Variants in TMEM117 observed in about 807,000 individuals in gnomAD.
TMEM117 encodes transmembrane protein 117.
A neutral mutation model predicts 52.4 loss-of-function variants in TMEM117; 27 were observed. The observed-to-expected ratio is 0.51, with a 90% CI of 0.38 to 0.71. TMEM117 has a LOEUF of 0.71. Among genes scored for constraint, TMEM117 ranks in the 30% least tolerant of loss-of-function variants. TMEM117 has a pLI of 0.00. For synonymous variants in TMEM117, 215 were observed against 206.3 expected (o/e 1.04, Z -0.36); for missense variants, 556 against 630.5 (o/e 0.88, Z 1.26).
the TMEM117 span, among the ~76,000 whole-genome samples, chr12:43,825,806 T>TAC: frequency 6.6e-6 from 1 of 152,178 alleles, no homozygotes; most frequent in Non-Finnish European, 1.5e-5. Context: ...TGGAATTTGT[T>TAC]TGTTAACACC....
chr12:43,938,261 T>C (rs1448631747), intron 2 of TMEM117, among the ~76,000 whole-genome samples: 1 of 147,944 alleles, frequency 6.8e-6, no homozygotes, highest in Non-Finnish European at 1.5e-5. Context: ...TTATATATTA[T>C]ATTATATATT....
intron 3 of TMEM117, among the ~76,000 whole-genome samples, chr12:43,955,268 A>G (rs1945288930): frequency 6.6e-6 from 1 of 152,338 alleles, no homozygotes; most frequent in African/African-American, 2.4e-5. Context: ...CTCCTATTCA[A>G]CATGGTGTTG....
chr12:43,818,398 TC>T, the TMEM117 span, among the ~76,000 whole-genome samples: 3 of 151,948 alleles, frequency 2.0e-5, no homozygotes, highest in African/African-American at 7.2e-5. Flanking sequence ...AACCTAGTTT[TC>T]TTACTTTGAA....
chr12:44,142,668 G>T (rs144929845), intron 3 of TMEM117, among the ~76,000 whole-genome samples: 1,596 of 152,110 alleles, frequency 0.01, 13 homozygotes, highest in Non-Finnish European at 0.016. Context: ...TAAGATAAAA[G>T]TAGTTAAGTG....
intron 3 of TMEM117, among the ~76,000 whole-genome samples, chr12:43,954,853 C>G (rs1945281946): frequency 6.6e-6 from 1 of 152,176 alleles, no homozygotes. Context: ...AGGCCAATAT[C>G]CCTGATGAAC....
At chr12:43,949,797 A>T (rs1181208525) in intron 3 of TMEM117, among the ~76,000 whole-genome samples, 2 of 152,154 alleles carry the variant, frequency 1.3e-5, no homozygotes, top group Admixed American at 1.3e-4. Context: ...AGCATCAAGG[A>T]AGCTTGTACT....
chr12:44,356,348 T>C (rs959284985), intron 6 of TMEM117, among the ~76,000 whole-genome samples: 3 of 152,128 alleles, frequency 2.0e-5, no homozygotes, highest in African/African-American at 7.2e-5. Context: ...TTGTTTATAT[T>C]GCTGTCTTCT....
At chr12:44,069,570 G>A (rs1384802642) in intron 3 of TMEM117, among the ~76,000 whole-genome samples, 1 of 152,190 alleles carries the variant, frequency 6.6e-6, no homozygotes, top group Non-Finnish European at 1.5e-5. Context: ...AGGTCAGAAA[G>A]TTCATAAGGG....
chr12:43,828,722 G>A, the TMEM117 span, among the ~76,000 whole-genome samples: 1 of 152,150 alleles, frequency 6.6e-6, no homozygotes, highest in Non-Finnish European at 1.5e-5. Flanking sequence ...GACCTGAGAA[G>A]TCCATTCTCA....
At chr12:44,200,036 T>G (rs1949473458) in intron 4 of TMEM117, among the ~76,000 whole-genome samples, 2 of 152,106 alleles carry the variant, frequency 1.3e-5, no homozygotes, top group African/African-American at 4.8e-5. Context: ...GAGAATCGGC[T>G]TGAACCCTGG....
At position 44,268,115 on chromosome 12, in the gene TMEM117, TG is replaced by T. The variant is rs530405114; in HGVS notation, c.609-31463del. ...TAATTTTCCTTTGTTGTAGTGTCTT[TG>T]GAAAAAATTCTACTTGATCATGACA... On this transcript the variant is annotated intron_variant, in intron 5 of 7. Transcript: ENST00000266534. Among the ~76,000 whole-genome samples the T allele has an allele frequency of 1.4e-4, 21 of 152,112 alleles. No homozygotes were observed. The South Asian group carries it at 4.4e-3, about 32-fold the overall frequency.
intron 3 of TMEM117, among the ~76,000 whole-genome samples, chr12:44,121,176 C>G (rs2050507134): frequency 6.6e-6 from 1 of 152,204 alleles, no homozygotes; most frequent in Admixed American, 6.5e-5. Flanking sequence ...ATTCCATTTT[C>G]TCCCACTGGG....
chr12:44,036,492 C>G (rs1254252933), intron 3 of TMEM117, among the ~76,000 whole-genome samples: 1 of 152,170 alleles, frequency 6.6e-6, no homozygotes, highest in Non-Finnish European at 1.5e-5. Context: ...TGATATCATA[C>G]TCATACACTG....
chr12:44,108,571 T>G lies in TMEM117; in HGVS notation c.411-34954T>G, dbSNP rs970811339. Among the ~76,000 whole-genome samples, 20 of 91,536 alleles carry G rather than the reference T, an allele frequency of 2.2e-4. 1 individual carries two copies. Among genetic ancestry groups the G allele is most frequent in the Non-Finnish European group, 3.7e-5 (2 of 53,714 alleles). 60.1% of individuals were successfully genotyped at this position (91,536 alleles called of 152,430 possible). ...TATGGCTGCATAGTATTCCATGGTG[T>G]ATATATGCCACATTTTCTTAATCCA... On this transcript the variant is annotated intron_variant, in intron 3 of 7. Coordinates refer to ENST00000266534, the MANE Select transcript of TMEM117 (RefSeq NM_032256.3).
At chr12:44,367,952 C>A (rs1403315881) in intron 6 of TMEM117, among the ~76,000 whole-genome samples, 1 of 152,116 alleles carries the variant, frequency 6.6e-6, no homozygotes, top group Non-Finnish European at 1.5e-5. Context: ...CTGCAACAGT[C>A]TCCTAATAGA....
chr12:43,977,394 G>C (rs775965262), intron 3 of TMEM117, among the ~76,000 whole-genome samples: 1 of 152,006 alleles, frequency 6.6e-6, no homozygotes, highest in African/African-American at 2.4e-5. Flanking sequence ...TTGATGTGTC[G>C]TGCTGGAATC....
At chr12:44,029,201 G>A (rs1946592167) in intron 3 of TMEM117, among the ~76,000 whole-genome samples, 1 of 152,192 alleles carries the variant, frequency 6.6e-6, no homozygotes, top group South Asian at 2.1e-4. Flanking sequence ...GAGGGTTGGA[G>A]TTCCTTCTAA....
chr12:43,892,386 G>A (rs1478303830), intron 2 of TMEM117, among the ~76,000 whole-genome samples: 7 of 152,184 alleles, frequency 4.6e-5, no homozygotes, highest in Non-Finnish European at 1.0e-4. Flanking sequence ...GGCACCCTCT[G>A]CTTGGCATGT....
the TMEM117 span, among the ~76,000 whole-genome samples, chr12:43,799,238 G>A: frequency 6.6e-6 from 1 of 151,318 alleles, no homozygotes; most frequent in African/African-American, 2.4e-5. Context: ...TTTTTTTTCT[G>A]AAAAGGCATT....
Sources: gnomAD v4.1 joint callset for allele counts (sites outside exome capture counted in the v4.1 genomes callset) on GRCh38, gnomAD v4.1.1 for gene constraint, MANE v1.5 for transcripts, NCBI Gene and HGNC (gene_info 2026-07-23, HGNC 2026-07-21) for gene names.